The following TCF12 variants were observed in gnomAD, a reference collection of about 807,000 sequenced individuals.
The protein encoded by TCF12 is DNA-binding protein HTF4.
TCF12 carries 45 observed loss-of-function variants against 86.0 expected under a neutral mutation model. That is an observed-to-expected ratio of 0.52 (90% CI 0.41 to 0.67). The LOEUF (loss-of-function observed/expected upper bound fraction) is 0.67, where lower values mean the gene tolerates loss of function less well. TCF12 is among the 30% of genes least tolerant of loss of function. The pLI, the probability that TCF12 is intolerant of heterozygous loss-of-function variation, is 0.00. For missense variants in TCF12, 881 were observed against 859.9 expected, an observed-to-expected ratio of 1.02 and a Z score of -0.31; for synonymous variants, 330 against 299.6, an observed-to-expected ratio of 1.10 and a Z score of -1.05.
chr15:57,170,673 A>AT (rs2055294224), intron 6 of TCF12, among the ~76,000 whole-genome samples: 1 of 5,858 alleles, frequency 1.7e-4, no homozygotes, highest in African/African-American at 6.5e-4. Flanking sequence ...ATATATATAT[A>AT]TAATATATTA....
intron 8 of TCF12, among the ~76,000 whole-genome samples, chr15:57,203,909 C>T (rs186903456): frequency 2.0e-5 from 3 of 152,178 alleles, no homozygotes; most frequent in East Asian, 1.9e-4. Context: ...CTGTCTCCTT[C>T]GGAGGCTAAA....
intron 5 of TCF12, among the ~76,000 whole-genome samples, chr15:57,158,708 C>G (rs2054292240): frequency 6.6e-6 from 1 of 152,214 alleles, no homozygotes; most frequent in East Asian, 1.9e-4. Flanking sequence ...ACTTGCTAAT[C>G]ACTGACCTCT....
chr15:57,093,154 A>G (rs2049099670), intron 5 of TCF12, among the ~76,000 whole-genome samples: 1 of 152,224 alleles, frequency 6.6e-6, no homozygotes, highest in African/African-American at 2.4e-5. Flanking sequence ...AAATCATGGT[A>G]TTATATGTAT....
intron 3 of TCF12, among the ~76,000 whole-genome samples, chr15:56,973,315 A>G (rs1380410753): frequency 6.6e-6 from 1 of 152,156 alleles, no homozygotes; most frequent in South Asian, 2.1e-4. Flanking sequence ...TAAGAGGTAC[A>G]TACAAAGCAT....
At chr15:56,967,557 G>T (rs1402022202) in intron 3 of TCF12, among the ~76,000 whole-genome samples, 1 of 152,182 alleles carries the variant, frequency 6.6e-6, no homozygotes, top group Non-Finnish European at 1.5e-5. Context: ...AACTGTGTCT[G>T]CCAAGGACCG....
chr15:56,935,292 A>C (rs1396436193), intron 3 of TCF12, among the ~76,000 whole-genome samples: 1 of 152,110 alleles, frequency 6.6e-6, no homozygotes, highest in Admixed American at 6.6e-5. Context: ...CTTACACGAC[A>C]GAAATTTATT....
intron 4 of TCF12, among the ~76,000 whole-genome samples, chr15:57,066,869 C>G (rs1238514247): frequency 6.6e-6 from 1 of 152,162 alleles, no homozygotes; most frequent in Non-Finnish European, 1.5e-5. Context: ...ATTGATTGAA[C>G]TTATTCTTTA....
intron 3 of TCF12, among the ~76,000 whole-genome samples, chr15:56,967,627 CA>C (rs1333662513): frequency 6.6e-6 from 1 of 152,112 alleles, no homozygotes; most frequent in Non-Finnish European, 1.5e-5. Context: ...GGTATTAGTA[CA>C]AACCTAAAGG....
At chr15:57,148,595 C>CA (rs1277646150) in intron 5 of TCF12, among the ~76,000 whole-genome samples, 6 of 149,572 alleles carry the variant, frequency 4.0e-5, no homozygotes, top group Non-Finnish European at 8.9e-5. Flanking sequence ...AAAAAATGCT[C>CA]AAATGGCCAG....
intron 3 of TCF12, among the ~76,000 whole-genome samples, chr15:57,061,546 T>A (rs1267089115): frequency 6.6e-6 from 1 of 152,192 alleles, no homozygotes; most frequent in Non-Finnish European, 1.5e-5. Flanking sequence ...GTGGTTGCAG[T>A]GAGCTATCAT....
At chr15:57,010,614 C>CT (rs1227981519) in intron 3 of TCF12, among the ~76,000 whole-genome samples, 2 of 152,172 alleles carry the variant, frequency 1.3e-5, no homozygotes, top group South Asian at 2.1e-4. Flanking sequence ...TGAAGGGAAG[C>CT]TTTTTTCCTG....
chr15:57,229,963 C>T (rs375570784), intron 8 of TCF12, among the ~76,000 whole-genome samples: 4 of 151,864 alleles, frequency 2.6e-5, no homozygotes, highest in African/African-American at 4.8e-5. Context: ...AATCTGGGTG[C>T]GCTTCCTTAA....
rs561160207 is a variant in TCF12 at position 57,199,614 on chromosome 15, G to A, written c.579+1789G>A. ...GAGGTCACCAGCATTTCTTACATTC[G>A]TAATCGTAATAACATTCATTACTTG... On this transcript the variant is annotated intron_variant, in intron 8 of 20. Coordinates refer to ENST00000333725, the MANE Select transcript of TCF12 (RefSeq NM_207037.2). 1.3e-4 allele frequency among the ~76,000 whole-genome samples: 20 copies of A among 152,216 alleles called. 1 individual carries two copies. In the South Asian group the frequency reaches 2.9e-3, roughly 22 times the overall value.
At chr15:56,980,364 G>C (rs2062833906) in intron 3 of TCF12, among the ~76,000 whole-genome samples, 1 of 152,102 alleles carries the variant, frequency 6.6e-6, no homozygotes, top group Non-Finnish European at 1.5e-5. Flanking sequence ...ATAAAAGGGT[G>C]AGTTTGGCCC....
At chr15:57,010,670 G>A (rs1446066502) in intron 3 of TCF12, among the ~76,000 whole-genome samples, 2 of 152,154 alleles carry the variant, frequency 1.3e-5, no homozygotes, top group Non-Finnish European at 2.9e-5. Context: ...CTAATTTGCT[G>A]AGTATTTAAA....
chr15:57,167,562 AAGAG>A (rs1368867692), intron 6 of TCF12, among the ~76,000 whole-genome samples: 1 of 151,888 alleles, frequency 6.6e-6, no homozygotes, highest in Non-Finnish European at 1.5e-5. Flanking sequence ...CTGTCTCAAA[AAGAG>A]AGAGAGAGAA....
intron 3 of TCF12, among the ~76,000 whole-genome samples, chr15:56,972,376 A>G (rs2062383225): frequency 2.0e-5 from 3 of 152,346 alleles, no homozygotes; most frequent in Admixed American, 2.0e-4. Flanking sequence ...CTAGGAGACA[A>G]CCTAGTTGTC....
intron 6 of TCF12, among the ~76,000 whole-genome samples, chr15:57,188,166 A>G (rs2056782963): frequency 6.6e-6 from 1 of 152,152 alleles, no homozygotes; most frequent in Non-Finnish European, 1.5e-5. Flanking sequence ...AAACAACTCC[A>G]TTTACAATAG....
intron 19 of TCF12, among the ~76,000 whole-genome samples, chr15:57,279,644 A>C (rs2061587922): frequency 1.3e-5 from 2 of 152,116 alleles, no homozygotes; most frequent in Non-Finnish European, 2.9e-5. Context: ...GATCTTGCCT[A>C]ATTTACTGAG....
Sources: allele counts gnomAD v4.1 joint callset (sites outside exome capture counted in the v4.1 genomes callset), GRCh38; gene constraint gnomAD v4.1.1; transcripts MANE v1.5; gene names NCBI Gene and HGNC (gene_info 2026-07-23, HGNC 2026-07-21).